Variants in COL8A1 observed in about 807,000 individuals in gnomAD.
COL8A1 encodes collagen type VIII alpha 1 chain.
In COL8A1, 21 loss-of-function variants were observed where a neutral mutation model predicts 42.7. That is an observed-to-expected ratio of 0.49 (90% CI 0.35 to 0.71). The LOEUF (loss-of-function observed/expected upper bound fraction) is 0.71. Ranked by LOEUF, COL8A1 falls within the 30% of genes least tolerant of loss-of-function variation. COL8A1 has a pLI of 0.01. For missense variants in COL8A1, 788 were observed against 962.4 expected, an observed-to-expected ratio of 0.82 and a Z score of 2.40; for synonymous variants, 367 against 369.1, an observed-to-expected ratio of 0.99 and a Z score of 0.06.
intron 1 of COL8A1, among the ~76,000 whole-genome samples, chr3:99,743,310 T>C (rs557766370): frequency 3.8e-4 from 58 of 152,292 alleles, no homozygotes; most frequent in Non-Finnish European, 6.2e-4. Context: ...GAGGCAAAGT[T>C]TCTCAAATCA....
intron 1 of COL8A1, among the ~76,000 whole-genome samples, chr3:99,673,947 G>A (rs1938617664): frequency 1.3e-5 from 2 of 151,980 alleles, no homozygotes; most frequent in African/African-American, 4.8e-5. Flanking sequence ...AACGCATTTA[G>A]AATAGTTCCC....
intron 1 of COL8A1, among the ~76,000 whole-genome samples, chr3:99,728,592 A>G (rs1386761708): frequency 1.3e-5 from 2 of 152,036 alleles, no homozygotes; most frequent in African/African-American, 2.4e-5. Context: ...AGGAAAAACT[A>G]AGTCAAATTG....
intron 1 of COL8A1, among the ~76,000 whole-genome samples, chr3:99,735,060 T>C (rs1469523302): frequency 2.0e-5 from 3 of 151,162 alleles, no homozygotes; most frequent in African/African-American, 7.3e-5. Flanking sequence ...GCTGAGATAA[T>C]GGGGTTTTCT....
chr3:99,787,066 T>C (rs764234168), intron 2 of COL8A1, among the ~76,000 whole-genome samples: 4 of 152,128 alleles, frequency 2.6e-5, no homozygotes, highest in Non-Finnish European at 5.9e-5. Context: ...TGTTAGCCTA[T>C]GTGAAAGGGA....
intron 1 of COL8A1, among the ~76,000 whole-genome samples, chr3:99,666,873 G>A (rs1249548179): frequency 1.3e-5 from 2 of 152,018 alleles, no homozygotes; most frequent in Non-Finnish European, 2.9e-5. Flanking sequence ...CATGACATTT[G>A]GCAAGCCTTA....
intron 2 of COL8A1, among the ~76,000 whole-genome samples, chr3:99,781,908 TA>T (rs1387066023): frequency 3.9e-5 from 6 of 152,224 alleles, no homozygotes; most frequent in Non-Finnish European, 5.9e-5. Context: ...TTGTTGTTCC[TA>T]AAACATGACT....
At chr3:99,689,537 A>G (rs978085753) in intron 1 of COL8A1, among the ~76,000 whole-genome samples, 11 of 152,176 alleles carry the variant, frequency 7.2e-5, no homozygotes, top group African/African-American at 2.7e-4. Flanking sequence ...CCCAAGCTTT[A>G]GTCATTTGTA....
chr3:99,656,741 T>C (rs1023097810), intron 1 of COL8A1, among the ~76,000 whole-genome samples: 4 of 152,238 alleles, frequency 2.6e-5, no homozygotes, highest in South Asian at 4.1e-4. Context: ...CACGTCTTTT[T>C]CTAATAGTGT....
chr3:99,772,639 A>C lies in COL8A1; in HGVS notation c.-3-18041A>C, dbSNP rs943717206. Among the ~76,000 whole-genome samples the C allele has an allele frequency of 3.3e-5, 5 of 152,176 alleles. No individual in the cohort carries two copies. The South Asian group carries it at 1.0e-3, about 32-fold the overall frequency. ...CTAAAACATAAAGTCAGTTTTTAGAAATTAAGTGATACACGGCAGAATGAA... is the reference window on the plus strand; with the variant it reads ...CTAAAACATAAAGTCAGTTTTTAGACATTAAGTGATACACGGCAGAATGAA... On this transcript the variant is annotated intron_variant, in intron 2 of 3. Transcript: ENST00000652472.
chr3:99,731,063 G>C lies in COL8A1; in HGVS notation c.-128-13834G>C, dbSNP rs1393981143. 1.3e-5 allele frequency among the ~76,000 whole-genome samples: 2 copies of C among 152,036 alleles called. 1 individual carries two copies. The highest frequency in any genetic ancestry group is 4.8e-5 in the African/African-American group (2 of 41,416). On this transcript the variant is annotated intron_variant, in intron 1 of 3. Transcript: ENST00000652472. ...CTACCATGTGCCAGGCCTGGTTCTG[G>C]TTGCAAAAGATGTTACAGTACACAA... is the stretch of plus-strand genomic sequence containing the variant.
chr3:99,697,143 C>CGT (rs1939400418), intron 1 of COL8A1, among the ~76,000 whole-genome samples: 1 of 151,126 alleles, frequency 6.6e-6, no homozygotes, highest in East Asian at 1.9e-4. Context: ...CCCGCCACTA[C>CGT]GCCCGGCTAA....
chr3:99,789,195 G>T (rs145582174), intron 2 of COL8A1, among the ~76,000 whole-genome samples: 1,868 of 152,142 alleles, frequency 0.012, 20 homozygotes, highest in African/African-American at 0.028. Flanking sequence ...GCATTACCCT[G>T]GAATAGGATA....
intron 2 of COL8A1, among the ~76,000 whole-genome samples, chr3:99,747,529 C>T (rs534787901): frequency 2.0e-5 from 3 of 152,276 alleles, no homozygotes; most frequent in South Asian, 2.1e-4. Context: ...AAGCCCACTA[C>T]GGAAGGGCTT....
At chr3:99,649,271 T>C (rs1329401529) in intron 1 of COL8A1, among the ~76,000 whole-genome samples, 1 of 152,110 alleles carries the variant, frequency 6.6e-6, no homozygotes, top group Non-Finnish European at 1.5e-5. Flanking sequence ...GTTTAATTTG[T>C]GTATCCACCT....
intron 1 of COL8A1, among the ~76,000 whole-genome samples, chr3:99,733,896 C>T (rs1940610822): frequency 6.6e-6 from 1 of 152,044 alleles, no homozygotes; most frequent in African/African-American, 2.4e-5. Context: ...TCTCTGATGG[C>T]CAGTGATGAT....
At chr3:99,733,762 C>T (rs1229238958) in intron 1 of COL8A1, among the ~76,000 whole-genome samples, 4 of 151,318 alleles carry the variant, frequency 2.6e-5, no homozygotes, top group African/African-American at 7.3e-5. Context: ...TACAGTCCCA[C>T]CAACAGTGTA....
chr3:99,758,394 A>G (rs925074208), intron 2 of COL8A1, among the ~76,000 whole-genome samples: 2 of 152,158 alleles, frequency 1.3e-5, no homozygotes, highest in African/African-American at 4.8e-5. Flanking sequence ...GGAGTTCAGG[A>G]TGTTAATTGT....
At chr3:99,652,787 G>T (rs983389968) in intron 1 of COL8A1, among the ~76,000 whole-genome samples, 1 of 152,128 alleles carries the variant, frequency 6.6e-6, no homozygotes, top group African/African-American at 2.4e-5. Context: ...TGATTTTAAA[G>T]GACACCCATT....
At chr3:99,641,511 A>G (rs1937508192) in intron 1 of COL8A1, among the ~76,000 whole-genome samples, 1 of 152,220 alleles carries the variant, frequency 6.6e-6, no homozygotes, top group South Asian at 2.1e-4. Context: ...ACTATGAGTT[A>G]AAATAAAAAA....
Sources: allele counts gnomAD v4.1 joint callset (sites outside exome capture counted in the v4.1 genomes callset), GRCh38; gene constraint gnomAD v4.1.1; transcripts MANE v1.5; gene names NCBI Gene and HGNC (gene_info 2026-07-23, HGNC 2026-07-21).